Variants in ZNF536 observed in about 807,000 individuals in gnomAD.
ZNF536 encodes the protein zinc finger protein 536.
ZNF536 carries 13 observed loss-of-function variants against 84.5 expected under a neutral mutation model. The ratio of observed to expected loss-of-function variants is 0.15; its 90% confidence interval spans 0.10 to 0.24. ZNF536 has a LOEUF of 0.24. ZNF536 is among the 10% of genes least tolerant of loss of function. The probability of loss-of-function intolerance (pLI) is 1.00; values close to 1 mark genes in which losing one functional copy is unlikely to be tolerated. For missense variants in ZNF536, 1,536 were observed against 1,747.5 expected, an observed-to-expected ratio of 0.88 and a Z score of 2.16; for synonymous variants, 811 against 742.5, an observed-to-expected ratio of 1.09 and a Z score of -1.50.
At chr19:30,691,487 C>A (rs1727256692) in intron 1 of ZNF536, among the ~76,000 whole-genome samples, 1 of 151,940 alleles carries the variant, frequency 6.6e-6, no homozygotes, top group South Asian at 2.1e-4. Context: ...GTCTCACGCC[C>A]AGACTCCGCT....
chr19:30,241,914 G>A (rs992228495), intron 1 of ZNF536, among the ~76,000 whole-genome samples: 23 of 152,198 alleles, frequency 1.5e-4, no homozygotes, highest in African/African-American at 5.5e-4. Flanking sequence ...GAAGAAGTCA[G>A]CAGAGAACAA....
chr19:30,385,782 G>C (rs1232031815), intron 1 of ZNF536, among the ~76,000 whole-genome samples: 1 of 152,186 alleles, frequency 6.6e-6, no homozygotes, highest in Non-Finnish European at 1.5e-5. Context: ...CCTCCATCAT[G>C]AATCTCCTGT....
chr19:30,396,585 G>T (rs2049826060), intron 1 of ZNF536, among the ~76,000 whole-genome samples: 2 of 105,604 alleles, frequency 1.9e-5, no homozygotes. Flanking sequence ...CTATGAGAGG[G>T]CTCTCTCTTT....
intron 1 of ZNF536, among the ~76,000 whole-genome samples, chr19:30,567,047 G>A (rs917600726): frequency 6.6e-6 from 1 of 151,638 alleles, no homozygotes; most frequent in Non-Finnish European, 1.5e-5. Context: ...CCTGGGAGTG[G>A]CTTCTCTGGG....
At chr19:30,458,415 C>T (rs947322162) in intron 2 of ZNF536, among the ~76,000 whole-genome samples, 6 of 147,994 alleles carry the variant, frequency 4.1e-5, no homozygotes, top group Non-Finnish European at 7.4e-5. Context: ...ATTAACGTTC[C>T]TAGGGTCCAA....
At chr19:30,667,744 A>G (rs1197146870) in intron 1 of ZNF536, among the ~76,000 whole-genome samples, 4 of 150,662 alleles carry the variant, frequency 2.7e-5, no homozygotes, top group Non-Finnish European at 4.4e-5. Flanking sequence ...TTGGATATAG[A>G]GTACATGAAC....
At chr19:30,668,871 G>A (rs1032880549) in intron 1 of ZNF536, among the ~76,000 whole-genome samples, 2 of 152,150 alleles carry the variant, frequency 1.3e-5, no homozygotes, top group Admixed American at 1.3e-4. Context: ...TGGTTGGGGC[G>A]TTTCTGGTTA....
rs906098713 is a variant in ZNF536 at position 30,549,348 on chromosome 19, C to G, written c.3729C>G (p.Asp1243Glu). The G allele has an allele frequency of 5.6e-6, 9 of 1,604,788 alleles. No individual in the cohort carries two copies. The highest frequency in any genetic ancestry group is 7.7e-6 in the Non-Finnish European group (9 of 1,175,202). Reference protein sequence around the residue: ...WHSQGLLQAQDPLAGLPKPER... With the variant: ...WHSQGLLQAQEPLAGLPKPER... ...GCCAGGGTCTTCTCCAAGCCCAGGA[C>G]CCCTTGGCGGGCCTGCCAAAGCCGG... Residue 1243 changes from aspartate to glutamate, a missense_variant, in exon 4 of 5, where the codon GAC (aspartate) becomes GAG (glutamate). Physicochemically the swap from Asp to Glu is conservative, Grantham distance 45. Transcript: ENST00000355537.
In ZNF536 at chr19:30,444,348, C is replaced by A. The variant is rs751258348; in HGVS notation, c.786C>A (p.Ser262Arg). The change falls in exon 2 of 5, where the codon AGC (serine) becomes AGA (arginine). Residue 262 changes from serine to arginine, a missense_variant. Around this residue, in one of 8 missense-constraint regions of ZNF536, gnomAD observed 138 missense variants for 136.8 expected, o/e 1.01. Coordinates refer to ENST00000355537, the MANE Select transcript of ZNF536 (RefSeq NM_014717.3). ...CGGTGCCCTCGCCCAAGCCTGCCAG[C>A]GTGCAGGAGGACGCGGTGGCCCCGG... is the stretch of plus-strand genomic sequence containing the variant. ...AHPVPSPKPASVQEDAVAPAA... is the reference protein window; with the variant it reads ...AHPVPSPKPARVQEDAVAPAA... 2 of 1,598,048 alleles carry A rather than the reference C, an allele frequency of 1.3e-6. No individual in the cohort carries two copies. Among genetic ancestry groups the A allele is most frequent in the Non-Finnish European group, 1.7e-6 (2 of 1,177,726 alleles).
rs536908048 is a variant in ZNF536, at chr19:30,260,523, C to T, written c.-189-23549C>T. Among the ~76,000 whole-genome samples, 4 of 152,338 alleles carry T rather than the reference C, an allele frequency of 2.6e-5. No individual in the cohort carries two copies. In the East Asian group the frequency reaches 7.7e-4, roughly 29 times the overall value. On this transcript the variant is annotated intron_variant, in intron 1 of 5. Transcript: ENST00000585628. ...GGTGGTCCAAGCCCAAGGCCAACCT[C>T]CGTTGCATGTCGGCCATTGGCAATT...
intron 2 of ZNF536, among the ~76,000 whole-genome samples, chr19:30,305,034 G>C (rs892037147): frequency 1.1e-4 from 16 of 152,214 alleles, no homozygotes; most frequent in Admixed American, 2.0e-4. Flanking sequence ...AAGAGCCCAA[G>C]GGAGTAGCCC....
intron 3 of ZNF536, among the ~76,000 whole-genome samples, chr19:30,546,466 A>G (rs1205431860): frequency 6.6e-6 from 1 of 152,202 alleles, no homozygotes; most frequent in African/African-American, 2.4e-5. Flanking sequence ...TAAGGCAGGC[A>G]GGGTAACCAC....
chr19:30,388,361 T>G (rs927698101), intron 1 of ZNF536, among the ~76,000 whole-genome samples: 1 of 152,110 alleles, frequency 6.6e-6, no homozygotes, highest in African/African-American at 2.4e-5. Context: ...CTCGGTGGGG[T>G]TAGGCAGGGG....
chr19:30,689,482 T>C (rs186592848), intron 1 of ZNF536, among the ~76,000 whole-genome samples: 14 of 152,332 alleles, frequency 9.2e-5, no homozygotes. Context: ...TCTAAATCAT[T>C]TTGGGAGGGG....
At chr19:30,455,582 T>C (rs2052802651) in intron 2 of ZNF536, among the ~76,000 whole-genome samples, 1 of 152,114 alleles carries the variant, frequency 6.6e-6, no homozygotes, top group East Asian at 1.9e-4. Flanking sequence ...ATGCCTGTAG[T>C]CCCAGCTACT....
intron 2 of ZNF536, among the ~76,000 whole-genome samples, chr19:30,520,361 G>A (rs558601039): frequency 6.6e-6 from 1 of 152,160 alleles, no homozygotes; most frequent in Non-Finnish European, 1.5e-5. Context: ...GACCTGTGTA[G>A]TTGTGGATGA....
chr19:30,463,652 C>G (rs931866017), intron 2 of ZNF536, among the ~76,000 whole-genome samples: 1 of 152,198 alleles, frequency 6.6e-6, no homozygotes, highest in Non-Finnish European at 1.5e-5. Flanking sequence ...GAAATGCCTT[C>G]TCTCAGCACA....
chr19:30,536,927 C>T (rs1411878956), intron 3 of ZNF536, among the ~76,000 whole-genome samples: 2 of 152,234 alleles, frequency 1.3e-5, no homozygotes, highest in Non-Finnish European at 2.9e-5. Context: ...GCCCCCTTCT[C>T]TGTGAGGCCC....
At chr19:30,441,877 C>T (rs1019751078) in intron 1 of ZNF536, among the ~76,000 whole-genome samples, 6 of 152,196 alleles carry the variant, frequency 3.9e-5, no homozygotes, top group African/African-American at 1.4e-4. Context: ...CCAAGGAAGT[C>T]AGGTCTCCCA....
Sources: gnomAD v4.1 joint callset for allele counts (sites outside exome capture counted in the v4.1 genomes callset) on GRCh38, gnomAD v4.1.1 for gene constraint, gnomAD v4.1.1 regional missense constraint, MANE v1.5 for transcripts, NCBI Gene and HGNC (gene_info 2026-07-23, HGNC 2026-07-21) for gene names.